The following TRABD2B variants were observed in gnomAD, a reference collection of about 807,000 sequenced individuals.
The protein encoded by TRABD2B is metalloprotease TIKI2.
In TRABD2B, 14 loss-of-function variants were observed where a neutral mutation model predicts 40.1. That is an observed-to-expected ratio of 0.35 (90% confidence interval 0.23 to 0.55). The LOEUF is 0.55. TRABD2B is among the 20% of genes least tolerant of loss of function. TRABD2B has a pLI of 0.90. For missense variants in TRABD2B, 541 were observed against 648.6 expected (o/e 0.83, Z 1.80); for synonymous variants, 263 against 277.0 (o/e 0.95, Z 0.50).
At chr1:47,950,287 A>C (rs976778552) in intron 2 of TRABD2B, among the ~76,000 whole-genome samples, 2 of 152,128 alleles carry the variant, frequency 1.3e-5, no homozygotes, top group East Asian at 3.8e-4. Context: ...TCCGTCTCAA[A>C]AGAAAAAAAA....
At chr1:47,941,518 A>C (rs1201018998) in intron 2 of TRABD2B, among the ~76,000 whole-genome samples, 3 of 152,218 alleles carry the variant, frequency 2.0e-5, no homozygotes, top group Non-Finnish European at 4.4e-5. Context: ...CTACATTGAG[A>C]ACTGGGAAAC....
chr1:47,901,618 C>G (rs1316099834), intron 2 of TRABD2B, among the ~76,000 whole-genome samples: 1 of 152,230 alleles, frequency 6.6e-6, no homozygotes, highest in South Asian at 2.1e-4. Context: ...AGCCCCTGCA[C>G]TCAAGGAGTT....
chr1:47,795,685 A>C (rs1227339559), intron 3 of TRABD2B: 2 of 985,294 alleles, frequency 2.0e-6, no homozygotes, highest in Non-Finnish European at 2.4e-6. Flanking sequence ...GCCACCCTAC[A>C]GAGATGAGAG....
At chr1:47,769,056 G>C (rs1644345645) in intron 6 of TRABD2B, among the ~76,000 whole-genome samples, 1 of 152,320 alleles carries the variant, frequency 6.6e-6, no homozygotes, top group Admixed American at 6.5e-5. Flanking sequence ...ATGGAGGCTT[G>C]CCAGGCGGGG....
chr1:47,958,280 G>T (rs948541807), intron 2 of TRABD2B, among the ~76,000 whole-genome samples: 1 of 141,050 alleles, frequency 7.1e-6, no homozygotes, highest in Non-Finnish European at 1.5e-5. Context: ...GACCATCAAG[G>T]TTAGGAAGAA....
chr1:47,778,797 G>A (rs1644482363), intron 4 of TRABD2B, among the ~76,000 whole-genome samples: 1 of 152,232 alleles, frequency 6.6e-6, no homozygotes, highest in African/African-American at 2.4e-5. Context: ...TCTGCAAAGT[G>A]AGAATGGCTG....
At chr1:47,871,155 G>A (rs759436990) in intron 2 of TRABD2B, among the ~76,000 whole-genome samples, 3 of 152,084 alleles carry the variant, frequency 2.0e-5, no homozygotes, top group Non-Finnish European at 4.4e-5. Flanking sequence ...TACAGTTAAG[G>A]AAACTGAGGC....
intron 2 of TRABD2B, among the ~76,000 whole-genome samples, chr1:47,948,112 T>C (rs1211521844): frequency 6.6e-6 from 1 of 152,170 alleles, no homozygotes; most frequent in African/African-American, 2.4e-5. Flanking sequence ...TCAAAAGGTC[T>C]GAAATTCTAA....
chr1:47,937,297 C>A (rs1169451810), intron 2 of TRABD2B, among the ~76,000 whole-genome samples: 3 of 150,690 alleles, frequency 2.0e-5, no homozygotes, highest in Admixed American at 6.6e-5. Flanking sequence ...ATGACCATCA[C>A]CACCACCATC....
Position 47,778,509 on chromosome 1 carries a change from G to A in TRABD2B, c.1024C>T (p.Leu342=), listed in dbSNP as rs1644477960. The A allele has an allele frequency of 2.0e-6, 3 of 1,536,138 alleles. No homozygotes were observed. The highest frequency in any genetic ancestry group is 2.6e-6 in the Non-Finnish European group (3 of 1,146,890). ...FLGNNTVIDI[L]RQAGLEVDHT... is the part of the protein sequence containing the mutation. Reference sequence around the variant, plus strand: ...TCCACCTCCAGCCCTGCCTGCCGCAGGATGTCGATGACTGTGTTGTTCCCC... The same window carrying A: ...TCCACCTCCAGCCCTGCCTGCCGCAAGATGTCGATGACTGTGTTGTTCCCC... Residue 342 remains leucine, a synonymous_variant, in exon 5 of 7, where the codon CTG becomes TTG. Transcript: ENST00000606738.
intron 2 of TRABD2B, among the ~76,000 whole-genome samples, chr1:47,871,870 A>G (rs1039515765): frequency 6.6e-6 from 1 of 152,214 alleles, no homozygotes; most frequent in Non-Finnish European, 1.5e-5. Context: ...CAATGGCCAA[A>G]TGGCCTCTGC....
At chr1:47,908,348 A>G (rs75021133) in intron 2 of TRABD2B, among the ~76,000 whole-genome samples, 3,560 of 152,308 alleles carry the variant, frequency 0.023, 107 homozygotes, top group Admixed American at 0.09. Flanking sequence ...TGATTACATA[A>G]AAAGAGAAAA....
intron 2 of TRABD2B, among the ~76,000 whole-genome samples, chr1:47,885,901 G>C (rs1377708397): frequency 6.6e-6 from 1 of 152,196 alleles, no homozygotes; most frequent in African/African-American, 2.4e-5. Flanking sequence ...ACCAAATGCT[G>C]GTTGTAATAT....
chr1:47,965,470 C>A (rs1471020413), intron 2 of TRABD2B, among the ~76,000 whole-genome samples: 1 of 151,968 alleles, frequency 6.6e-6, no homozygotes, highest in Non-Finnish European at 1.5e-5. Context: ...GAGGGCAAAC[C>A]AGATGCCCCT....
chr1:47,853,682 T>C (rs1216865478), intron 2 of TRABD2B, among the ~76,000 whole-genome samples: 1 of 152,166 alleles, frequency 6.6e-6, no homozygotes, highest in Non-Finnish European at 1.5e-5. Flanking sequence ...CATCCATCCA[T>C]CCACCTATCC....
intron 2 of TRABD2B, among the ~76,000 whole-genome samples, chr1:47,983,395 C>G (rs1295510333): frequency 6.6e-6 from 1 of 152,108 alleles, no homozygotes; most frequent in Non-Finnish European, 1.5e-5. Flanking sequence ...GGCTTAATAC[C>G]TGGGTGATGA....
At chr1:47,821,936 GC>G (rs1645115915) in intron 2 of TRABD2B, among the ~76,000 whole-genome samples, 1 of 152,058 alleles carries the variant, frequency 6.6e-6, no homozygotes, top group African/African-American at 2.4e-5. Context: ...TTAACTCTCA[GC>G]CAACCAGAAA....
chr1:47,959,274 T>C (rs1645473384), intron 2 of TRABD2B, among the ~76,000 whole-genome samples: 1 of 152,110 alleles, frequency 6.6e-6, no homozygotes, highest in East Asian at 1.9e-4. Flanking sequence ...AGATCTAAAA[T>C]TGACACCCTG....
At chr1:47,872,167 C>A (rs550314673) in intron 2 of TRABD2B, among the ~76,000 whole-genome samples, 4 of 152,146 alleles carry the variant, frequency 2.6e-5, no homozygotes, top group Admixed American at 2.0e-4. Context: ...CTCTGGGGAC[C>A]CTATGTCTGT....
Sources: allele counts gnomAD v4.1 joint callset (sites outside exome capture counted in the v4.1 genomes callset), GRCh38; gene constraint gnomAD v4.1.1; transcripts MANE v1.5; gene names NCBI Gene and HGNC (gene_info 2026-07-23, HGNC 2026-07-21).